The following GLRB variants were observed in gnomAD, a reference collection of about 807,000 sequenced individuals.
The protein encoded by GLRB is glycine receptor beta.
In GLRB, 33 loss-of-function variants were observed where a neutral mutation model predicts 54.2. That is an observed-to-expected ratio of 0.61 (90% confidence interval 0.46 to 0.81). The LOEUF (loss-of-function observed/expected upper bound fraction) is 0.81. Ranked by LOEUF, GLRB falls within the 40% of genes least tolerant of loss-of-function variation. GLRB has a pLI of 0.00. For synonymous variants in GLRB, 209 were observed against 208.2 expected (o/e 1.00, Z -0.03); for missense variants, 572 against 584.6 (o/e 0.98, Z 0.22).
chr4:157,081,686 T>C (rs1734228298), intron 2 of GLRB, among the ~76,000 whole-genome samples: 1 of 152,216 alleles, frequency 6.6e-6, no homozygotes, highest in Non-Finnish European at 1.5e-5. Context: ...GGACATTGCC[T>C]TAGCTACTCC....
At chr4:157,130,823 T>C (rs1736187803) in intron 4 of GLRB, among the ~76,000 whole-genome samples, 1 of 151,656 alleles carries the variant, frequency 6.6e-6, no homozygotes, top group South Asian at 2.1e-4. Flanking sequence ...GAGGAAAATA[T>C]ATAATTTTTA....
At chr4:157,082,950 A>C (rs1458189503) in intron 2 of GLRB, among the ~76,000 whole-genome samples, 2 of 142,628 alleles carry the variant, frequency 1.4e-5, no homozygotes, top group Non-Finnish European at 3.0e-5. Context: ...ATTATCAGAC[A>C]AATGAATAGT....
intron 8 of GLRB, among the ~76,000 whole-genome samples, chr4:157,146,992 G>T (rs889268908): frequency 6.6e-6 from 1 of 152,174 alleles, no homozygotes; most frequent in Admixed American, 6.5e-5. Flanking sequence ...GCCGAGATGG[G>T]CAAAGGTGCA....
Position 157,093,889 on chromosome 4 carries a change from G to A in GLRB, c.122+15743G>A, listed in dbSNP as rs74390607. On this transcript the variant is annotated intron_variant, in intron 2 of 9. Transcript: ENST00000264428. ...ACCACCGTGAAAAATTTAGATACAG[G>A]CATTTACTTTCTCATATAGAATATT... Among the ~76,000 whole-genome samples, 1,185 of 151,676 alleles carry A rather than the reference G, an allele frequency of 7.8e-3. 20 individuals are homozygous for A. The East Asian group carries it at 0.1, about 13-fold the overall frequency.
chr4:157,121,590 C>T (rs985997375), intron 3 of GLRB, among the ~76,000 whole-genome samples: 25 of 151,566 alleles, frequency 1.6e-4, no homozygotes, highest in African/African-American at 6.0e-4. Context: ...TCAACAACAG[C>T]CATGGTCTGG....
intron 8 of GLRB, among the ~76,000 whole-genome samples, chr4:157,148,815 T>TTTG (rs3079026): frequency 0.052 from 7,895 of 152,120 alleles, 339 homozygotes; most frequent in African/African-American, 0.12. Context: ...TTAGTCATTG[T>TTTG]TTGTTGTGTT....
chr4:157,086,887 A>C (rs1354056075), intron 2 of GLRB, among the ~76,000 whole-genome samples: 1 of 152,054 alleles, frequency 6.6e-6, no homozygotes, highest in African/African-American at 2.4e-5. Context: ...AACTGAAATT[A>C]AACTCCCTGT....
Position 157,152,729 on chromosome 4 carries a change from G to A in GLRB, c.916G>A (p.Val306Ile). 1 of 1,613,336 alleles carries A rather than the reference G, an allele frequency of 6.2e-7. No homozygotes were observed. The highest frequency in any genetic ancestry group is 1.3e-5 in the African/African-American group (1 of 74,982). ...AARVPLGIFS[V>I]LSLASECTTL... ...TTCTGTTTCTGTAGGTATCTTCTCAGTCCTCAGCTTGGCCTCTGAGTGCAC... is the reference window on the plus strand; with the variant it reads ...TTCTGTTTCTGTAGGTATCTTCTCAATCCTCAGCTTGGCCTCTGAGTGCAC... Residue 306 changes from valine (V) to isoleucine (I), a missense_variant, in exon 9 of 10, where the codon GTC becomes ATC. By Grantham distance (29) the Val-to-Ile change is conservative (BLOSUM62 3). Coordinates refer to ENST00000264428, the MANE Select transcript of GLRB (RefSeq NM_000824.5).
At chr4:157,153,431 C>G (rs777608011) in intron 9 of GLRB, among the ~76,000 whole-genome samples, 21 of 152,020 alleles carry the variant, frequency 1.4e-4, no homozygotes, top group Non-Finnish European at 2.2e-4. Flanking sequence ...TTGGAGAAGC[C>G]CATGCTCATG....
Position 157,137,518 on chromosome 4 carries a change from C to T in GLRB, c.610+632C>T, listed in dbSNP as rs138833193. 4.8e-3 allele frequency among the ~76,000 whole-genome samples: 725 copies of T among 151,596 alleles called. 9 individuals are homozygous for T. The highest frequency in any genetic ancestry group is 0.016 in the African/African-American group (673 of 41,436). On this transcript the variant is annotated intron_variant, in intron 6 of 9. Coordinates refer to ENST00000264428, the MANE Select transcript of GLRB (RefSeq NM_000824.5). ...AACACAAATGCAAGGAATGTTTAGC[C>T]TGAATACATGGATCATCTTATAATA...
At chr4:157,150,536 A>G (rs1478388373) in intron 8 of GLRB, among the ~76,000 whole-genome samples, 2 of 152,030 alleles carry the variant, frequency 1.3e-5, no homozygotes, top group South Asian at 2.1e-4. Flanking sequence ...TTTACCTCAC[A>G]AAGTCCTCTC....
At chr4:157,081,237 G>T (rs1037371414) in intron 2 of GLRB, among the ~76,000 whole-genome samples, 1 of 152,108 alleles carries the variant, frequency 6.6e-6, no homozygotes, top group Non-Finnish European at 1.5e-5. Context: ...GCTTACATTT[G>T]ACATTGCCTT....
chr4:157,143,778 C>T (rs757322210), intron 7 of GLRB, 29 bp from the exon 8 acceptor site: 2 of 1,604,382 alleles, frequency 1.2e-6, no homozygotes, highest in Admixed American at 1.7e-5. Flanking sequence ...GTGAAAACCT[C>T]ATGCCTTGAA....
In GLRB at chr4:157,171,918, A is replaced by G. The variant is rs1472358251; in HGVS notation, c.*1190A>G. On this transcript the variant is annotated 3_prime_UTR_variant, in exon 10 of 10. Coordinates refer to ENST00000264428, the MANE Select transcript of GLRB (RefSeq NM_000824.5). ...CATTTTATGAGACCACCATTTCTTA[A>G]TATCACATCCAGTGCACCTTTGTCT... is the stretch of plus-strand genomic sequence containing the variant. 1.3e-5 allele frequency: 2 copies of G among 151,842 alleles called. No homozygotes were observed. The highest frequency in any genetic ancestry group is 3.0e-5 in the Non-Finnish European group (2 of 67,764). 9.4% of individuals were successfully genotyped at this position (151,842 alleles called of 1,614,324 possible). A position where few individuals can be genotyped will look rare whatever the true frequency, so the allele number is the denominator to read the frequency against.
chr4:157,078,195 G>C (rs907502390), intron 2 of GLRB, 49 bp downstream of exon 2: 2 of 1,606,828 alleles, frequency 1.2e-6, no homozygotes, highest in Non-Finnish European at 1.7e-6. Flanking sequence ...GTTATTGCGT[G>C]TTTTATAAAA....
At chr4:157,159,001 T>C (rs1243966029) in intron 9 of GLRB, among the ~76,000 whole-genome samples, 2 of 152,208 alleles carry the variant, frequency 1.3e-5, no homozygotes, top group African/African-American at 4.8e-5. Context: ...TCCTCTTTTA[T>C]TTCGTTGAGC....
At chr4:157,084,069 A>AT (rs1028963185) in intron 2 of GLRB, among the ~76,000 whole-genome samples, 46 of 152,240 alleles carry the variant, frequency 3.0e-4, no homozygotes, top group Non-Finnish European at 5.3e-4. Flanking sequence ...AAACTTTCAG[A>AT]TTTTTTTATT....
intron 2 of GLRB, among the ~76,000 whole-genome samples, chr4:157,089,989 G>A (rs1450836479): frequency 2.0e-5 from 3 of 152,078 alleles, no homozygotes; most frequent in Non-Finnish European, 4.4e-5. Flanking sequence ...ATTGCATCTA[G>A]CTACTTCTCC....
intron 9 of GLRB, among the ~76,000 whole-genome samples, chr4:157,159,240 A>G (rs1737368749): frequency 6.6e-6 from 1 of 152,160 alleles, no homozygotes; most frequent in Non-Finnish European, 1.5e-5. Flanking sequence ...GGTTGAGACA[A>G]TGGGGTTTTC....
Sources: gnomAD v4.1 joint callset for allele counts (sites outside exome capture counted in the v4.1 genomes callset) on GRCh38, gnomAD v4.1.1 for gene constraint, MANE v1.5 for transcripts, NCBI Gene and HGNC (gene_info 2026-07-23, HGNC 2026-07-21) for gene names.